Variants in DISC1 observed in about 807,000 individuals in gnomAD.
DISC1 encodes the protein disrupted in schizophrenia 1 protein.
A neutral mutation model predicts 84.5 loss-of-function variants in DISC1; 57 were observed. That is an observed-to-expected ratio of 0.67 (90% CI 0.55 to 0.84). The LOEUF (loss-of-function observed/expected upper bound fraction) is 0.84. Ranked by LOEUF, DISC1 falls within the 40% of genes least tolerant of loss-of-function variation. The pLI is 0.00. For synonymous variants in DISC1, 411 were observed against 415.2 expected, an observed-to-expected ratio of 0.99 and a Z score of 0.12; for missense variants, 1,000 against 1,057.8, an observed-to-expected ratio of 0.95 and a Z score of 0.76.
intron 1 of DISC1, among the ~76,000 whole-genome samples, chr1:231,672,759 G>A (rs2062746474): frequency 6.6e-6 from 1 of 152,144 alleles, no homozygotes; most frequent in African/African-American, 2.4e-5. Flanking sequence ...AGTACTTGTA[G>A]ATACTTTACC....
Position 232,036,768 on chromosome 1 carries a change from G to A in DISC1, c.2502G>A (p.Glu834=), listed in dbSNP as rs41271517. 6.9e-4 allele frequency: 1,114 copies of A among 1,606,858 alleles called. 1 individual carries two copies. The highest frequency in any genetic ancestry group is 8.8e-4 in the Non-Finnish European group (1,034 of 1,175,198). The change falls in exon 13 of 13, where the codon GAG becomes GAA. Residue 834 remains glutamate (E), a synonymous_variant. Transcript: ENST00000439617. The stretch of plus-strand genomic sequence containing the variant: ...TCCTGCAGCTCCAGCCAGCAAAGGA[G>A]GCGGGAGAAAGAGAAGCTGCAGCTT... ...AMILQLQPAK[E]AGEREAAASC...
intron 3 of DISC1, among the ~76,000 whole-genome samples, chr1:231,738,330 C>T (rs1269981123): frequency 6.6e-6 from 1 of 152,224 alleles, no homozygotes; most frequent in Non-Finnish European, 1.5e-5. Context: ...CTCAGGAACA[C>T]ACATTGCATG....
intron 1 of DISC1, among the ~76,000 whole-genome samples, chr1:231,669,651 T>A (rs2062386919): frequency 6.6e-6 from 1 of 151,580 alleles, no homozygotes; most frequent in Non-Finnish European, 1.5e-5. Context: ...ATGAGAGAGG[T>A]GTAAATCAAA....
chr1:231,880,720 G>A (rs1223296395), intron 9 of DISC1, among the ~76,000 whole-genome samples: 1 of 149,434 alleles, frequency 6.7e-6, no homozygotes, highest in Non-Finnish European at 1.5e-5. Context: ...GTTCTGGGTT[G>A]GAGTTTTTAA....
chr1:231,804,282 T>C (rs906772055), intron 8 of DISC1, among the ~76,000 whole-genome samples: 1 of 152,126 alleles, frequency 6.6e-6, no homozygotes, highest in Non-Finnish European at 1.5e-5. Context: ...TGCCACAGTA[T>C]TTATTGAGAC....
intron 9 of DISC1, among the ~76,000 whole-genome samples, chr1:231,905,001 G>A (rs2088521841): frequency 6.6e-6 from 1 of 152,062 alleles, no homozygotes; most frequent in African/African-American, 2.4e-5. Flanking sequence ...GGTTTGATGA[G>A]GAATGGAATT....
intron 4 of DISC1, among the ~76,000 whole-genome samples, chr1:231,751,653 C>A (rs1230192558): frequency 1.3e-5 from 2 of 152,202 alleles, no homozygotes; most frequent in African/African-American, 2.4e-5. Flanking sequence ...CAGTCCATGA[C>A]AACCACATTC....
chr1:231,876,962 C>T (rs1031963536), intron 9 of DISC1, among the ~76,000 whole-genome samples: 1 of 152,152 alleles, frequency 6.6e-6, no homozygotes, highest in Non-Finnish European at 1.5e-5. Context: ...TGGGTGGAGA[C>T]AGGCCTGATG....
chr1:231,906,310 C>T (rs1215409903), intron 9 of DISC1, among the ~76,000 whole-genome samples: 1 of 152,186 alleles, frequency 6.6e-6, no homozygotes, highest in African/African-American at 2.4e-5. Flanking sequence ...GCATGAGTCA[C>T]CATGCCCGGT....
intron 9 of DISC1, among the ~76,000 whole-genome samples, chr1:231,861,289 A>ATTATTTATTTATTTAT (rs141482042): frequency 3.3e-5 from 5 of 151,256 alleles, no homozygotes; most frequent in African/African-American, 1.2e-4. Context: ...CATTGTTTTT[A>ATTATTTATTTATTTAT]TTATTTATTT....
At chr1:231,861,650 T>C (rs1490905844) in intron 9 of DISC1, among the ~76,000 whole-genome samples, 1 of 152,128 alleles carries the variant, frequency 6.6e-6, no homozygotes, top group African/African-American at 2.4e-5. Flanking sequence ...TGGTAGATCT[T>C]AGTGATTATG....
At chr1:231,777,245 G>A (rs2077026974) in intron 6 of DISC1, among the ~76,000 whole-genome samples, 2 of 152,124 alleles carry the variant, frequency 1.3e-5, no homozygotes, top group South Asian at 2.1e-4. Flanking sequence ...TTTTAGAGAT[G>A]GGGTTTCCCT....
chr1:231,886,763 C>CT (rs879701901), intron 9 of DISC1, among the ~76,000 whole-genome samples: 1,239 of 94,478 alleles, frequency 0.013, 13 homozygotes, highest in Middle Eastern at 0.035. Flanking sequence ...TTCTTCCTTC[C>CT]TTCCTTTCTT....
intron 9 of DISC1, among the ~76,000 whole-genome samples, chr1:231,822,758 A>G (rs2081587307): frequency 6.6e-6 from 1 of 152,204 alleles, no homozygotes; most frequent in Non-Finnish European, 1.5e-5. Flanking sequence ...CATAGTGCCA[A>G]CATCTGCTTC....
At chr1:231,728,915 C>T (rs1573314142) in intron 3 of DISC1, among the ~76,000 whole-genome samples, 1 of 152,090 alleles carries the variant, frequency 6.6e-6, no homozygotes, top group Non-Finnish European at 1.5e-5. Flanking sequence ...CATATGTATA[C>T]GTGTGCCATG....
intron 6 of DISC1, chr1:231,771,382 T>C (rs1014178185): frequency 1.0e-6 from 1 of 985,390 alleles, no homozygotes; most frequent in Non-Finnish European, 1.2e-6. Context: ...TGGAATTCAA[T>C]TGGTTAGAGA....
intron 9 of DISC1, among the ~76,000 whole-genome samples, chr1:231,865,076 T>C (rs918070273): frequency 2.0e-5 from 3 of 152,074 alleles, no homozygotes; most frequent in African/African-American, 7.2e-5. Context: ...TGAGTCCCTG[T>C]TTTAGAGAGG....
At chr1:231,765,163 C>G (rs2125422352) in intron 4 of DISC1, among the ~76,000 whole-genome samples, 1 of 138,850 alleles carries the variant, frequency 7.2e-6, no homozygotes, top group East Asian at 2.1e-4. Context: ...GAACTCCAGC[C>G]TGGGCAACAG....
chr1:232,021,995 G>A (rs555113144), intron 11 of DISC1, among the ~76,000 whole-genome samples: 8 of 152,164 alleles, frequency 5.3e-5, no homozygotes, highest in Non-Finnish European at 1.0e-4. Context: ...ATGGAGACTG[G>A]GTTCCAGGGT....
Sources: allele counts gnomAD v4.1 joint callset (sites outside exome capture counted in the v4.1 genomes callset), GRCh38; gene constraint gnomAD v4.1.1; transcripts MANE v1.5; gene names NCBI Gene and HGNC (gene_info 2026-07-23, HGNC 2026-07-21).